The following GRIK1 variants were observed in gnomAD, a reference collection of about 807,000 sequenced individuals.
The protein encoded by GRIK1 is glutamate receptor ionotropic, kainate 1.
In GRIK1, 69 loss-of-function variants were observed where a neutral mutation model predicts 105.7. The ratio of observed to expected loss-of-function variants is 0.65; its 90% CI spans 0.54 to 0.80. The LOEUF (loss-of-function observed/expected upper bound fraction) is 0.80, where lower values mean the gene tolerates loss of function less well. Among genes scored for constraint, GRIK1 ranks in the 30% least tolerant of loss-of-function variants. The pLI is 0.00. For synonymous variants in GRIK1, 438 were observed against 431.3 expected (o/e 1.02, Z -0.19); for missense variants, 1,109 against 1,167.3 (o/e 0.95, Z 0.73).
At chr21:29,725,177 C>T (rs185398548) in intron 1 of GRIK1, among the ~76,000 whole-genome samples, 1 of 152,150 alleles carries the variant, frequency 6.6e-6, no homozygotes, top group African/African-American at 2.4e-5. Flanking sequence ...TCTTCAACAG[C>T]ATTTCAGTAA....
chr21:29,804,471 G>A (rs1011444804), intron 1 of GRIK1, among the ~76,000 whole-genome samples: 1 of 151,992 alleles, frequency 6.6e-6, no homozygotes, highest in Non-Finnish European at 1.5e-5. Context: ...AAGACAAAAC[G>A]CTAAACTTGC....
At chr21:29,905,941 T>TG (rs1418773493) in intron 1 of GRIK1, among the ~76,000 whole-genome samples, 1 of 136,744 alleles carries the variant, frequency 7.3e-6, no homozygotes, top group East Asian at 2.0e-4. Flanking sequence ...AACTTGTTTT[T>TG]TTTGTTTGTT....
At chr21:29,658,856 T>A (rs575271618) in intron 4 of GRIK1, among the ~76,000 whole-genome samples, 2 of 152,212 alleles carry the variant, frequency 1.3e-5, no homozygotes, top group African/African-American at 4.8e-5. Flanking sequence ...TTCTGACATA[T>A]GTCACTCTCC....
intron 1 of GRIK1, among the ~76,000 whole-genome samples, chr21:29,727,489 C>A (rs2064498874): frequency 6.6e-6 from 1 of 152,100 alleles, no homozygotes; most frequent in African/African-American, 2.4e-5. Context: ...CTATGAGGTT[C>A]ATATGGCCAG....
At position 29,663,281 on chromosome 21, in the gene GRIK1, A is replaced by G. The variant is rs942350989; in HGVS notation, c.727-8418T>C. On this transcript the variant is annotated intron_variant, in intron 4 of 17. Transcript: ENST00000327783. The stretch of plus-strand genomic sequence containing the variant: ...CCCAAATAAAAGCATATGGTTATTT[A>G]AGACCAAAGTTAGAACCACAGGAGT... 1.1e-4 allele frequency among the ~76,000 whole-genome samples: 16 copies of G among 152,326 alleles called. 1 individual carries two copies. Among genetic ancestry groups the G allele is most frequent in the Admixed American group, 1.0e-3 (16 of 15,298 alleles).
At chr21:29,930,895 T>A (rs1222550902) in intron 1 of GRIK1, among the ~76,000 whole-genome samples, 1 of 152,234 alleles carries the variant, frequency 6.6e-6, no homozygotes, top group Non-Finnish European at 1.5e-5. Context: ...CTTTTTCCTT[T>A]TTGTTTCCCT....
At chr21:29,780,739 G>A (rs1601677320) in intron 1 of GRIK1, among the ~76,000 whole-genome samples, 1 of 152,178 alleles carries the variant, frequency 6.6e-6, no homozygotes, top group Non-Finnish European at 1.5e-5. Context: ...TGCAGAAGAA[G>A]CACCTTATGG....
chr21:29,844,692 A>T (rs1232620605), intron 1 of GRIK1, among the ~76,000 whole-genome samples: 2 of 152,190 alleles, frequency 1.3e-5, no homozygotes, highest in Non-Finnish European at 2.9e-5. Context: ...ATACCCTCAC[A>T]TATATTCTCA....
At chr21:29,613,549 G>T (rs1449845585) in intron 7 of GRIK1, among the ~76,000 whole-genome samples, 1 of 152,150 alleles carries the variant, frequency 6.6e-6, no homozygotes, top group African/African-American at 2.4e-5. Flanking sequence ...TAAGCTTGGG[G>T]TCTGATTACA....
At chr21:29,733,618 A>G (rs1430701439) in intron 1 of GRIK1, among the ~76,000 whole-genome samples, 1 of 152,120 alleles carries the variant, frequency 6.6e-6, no homozygotes, top group Non-Finnish European at 1.5e-5. Flanking sequence ...AGCACTTGAC[A>G]TGGTGCACTT....
rs146794590 is a variant in GRIK1 at position 29,755,733 on chromosome 21, C to T, written c.119-61670G>A. 7.2e-5 allele frequency among the ~76,000 whole-genome samples: 11 copies of T among 152,202 alleles called. 1 individual carries two copies. The highest frequency in any genetic ancestry group is 2.4e-4 in the African/African-American group (10 of 41,534). On this transcript the variant is annotated intron_variant, in intron 1 of 17. Transcript: ENST00000327783. ...GAGAGAAATCAAAAAATAGGAAGAG[C>T]TTAGGGCAAGGAATCTGAAAACAGG...
intron 1 of GRIK1, among the ~76,000 whole-genome samples, chr21:29,699,717 C>T (rs1177630247): frequency 1.3e-5 from 2 of 151,210 alleles, no homozygotes; most frequent in African/African-American, 2.4e-5. Flanking sequence ...GGCGCAATCT[C>T]GGCTCACTGC....
intron 1 of GRIK1, among the ~76,000 whole-genome samples, chr21:29,772,821 T>C (rs1187296335): frequency 6.6e-6 from 1 of 152,252 alleles, no homozygotes; most frequent in East Asian, 1.9e-4. Context: ...GTTGGGTTAA[T>C]TACGCATATG....
At chr21:29,735,944 C>T (rs1361581078) in intron 1 of GRIK1, among the ~76,000 whole-genome samples, 3 of 151,658 alleles carry the variant, frequency 2.0e-5, no homozygotes, top group Non-Finnish European at 4.4e-5. Flanking sequence ...TAAGCAAGGT[C>T]ATAACATATA....
chr21:29,896,494 T>C (rs2070166774), intron 1 of GRIK1, among the ~76,000 whole-genome samples: 1 of 152,204 alleles, frequency 6.6e-6, no homozygotes, highest in Non-Finnish European at 1.5e-5. Flanking sequence ...CCCCAGTATC[T>C]AGGACAATGC....
chr21:29,939,660 A>G lies in GRIK1; in HGVS notation c.-160T>C. 1.9e-6 allele frequency: 1 copy of G among 527,970 alleles called. No homozygotes were observed. The allele number at this position is 527,970 out of a possible 1,614,324, so 32.7% of individuals were successfully genotyped here. A position where few individuals can be genotyped will look rare whatever the true frequency, so the allele number is the denominator to read the frequency against. On this transcript the variant is annotated 5_prime_UTR_variant, in exon 1 of 18. Transcript: ENST00000327783. ...GCGAGCTCGAGGGAACCCGCGTGGG[A>G]CCGCGGAGCTGGCTGGCAAGGCTGA...
chr21:29,785,704 C>T (rs1449501656), intron 1 of GRIK1, among the ~76,000 whole-genome samples: 8 of 152,010 alleles, frequency 5.3e-5, no homozygotes, highest in Non-Finnish European at 7.4e-5. Context: ...GGCATAGATT[C>T]CCGTGGCTGC....
At chr21:29,793,277 G>T (rs538543181) in intron 1 of GRIK1, among the ~76,000 whole-genome samples, 48 of 152,118 alleles carry the variant, frequency 3.2e-4, no homozygotes, top group African/African-American at 5.8e-4. Context: ...ACATTTTTTT[G>T]TGTGTGTAAT....
chr21:29,563,567 T>G (rs57019519), intron 14 of GRIK1, among the ~76,000 whole-genome samples: 23,769 of 152,028 alleles, frequency 0.16, 2,869 homozygotes, highest in African/African-American at 0.34. Flanking sequence ...GGGGGTCAGG[T>G]TTACTGCTTC....
Sources: gnomAD v4.1 joint callset for allele counts (sites outside exome capture counted in the v4.1 genomes callset) on GRCh38, gnomAD v4.1.1 for gene constraint, MANE v1.5 for transcripts, NCBI Gene and HGNC (gene_info 2026-07-23, HGNC 2026-07-21) for gene names.